Variants in DENND2B observed in about 807,000 individuals in gnomAD.
The protein encoded by DENND2B is DENN domain containing 2B.
DENND2B carries 32 observed loss-of-function variants against 116.0 expected under a neutral mutation model. The ratio of observed to expected loss-of-function variants is 0.28; its 90% CI spans 0.21 to 0.37. The LOEUF (loss-of-function observed/expected upper bound fraction) is 0.37. DENND2B is among the 10% of genes least tolerant of loss of function. DENND2B has a pLI of 1.00. For synonymous variants in DENND2B, 588 were observed against 583.9 expected (o/e 1.01, Z -0.10); for missense variants, 1,276 against 1,477.7 (o/e 0.86, Z 2.24).
Position 8,761,491 on chromosome 11 carries a change from C to T in DENND2B, c.-25-10766G>A, listed in dbSNP as rs149171842. On this transcript the variant is annotated intron_variant, in intron 1 of 19. Transcript: ENST00000313726. ...AGGCCATAGTCCTATCTTAGAGCAG[C>T]ACCTTCACTCTGGCCAGCCACATCT... Among the ~76,000 whole-genome samples the T allele has an allele frequency of 8.3e-4, 126 of 152,358 alleles. 1 individual carries two copies. Among genetic ancestry groups the T allele is most frequent in the African/African-American group, 3.0e-3 (124 of 41,578 alleles).
intron 1 of DENND2B, among the ~76,000 whole-genome samples, chr11:8,764,762 T>C (rs1035806109): frequency 6.6e-6 from 1 of 152,090 alleles, no homozygotes; most frequent in East Asian, 1.9e-4. Context: ...CTGACCAACA[T>C]GGTGAAGTCC....
chr11:8,774,435 C>G, intron 1 of DENND2B: 1 of 654,886 alleles, frequency 1.5e-6, no homozygotes, highest in Non-Finnish European at 1.9e-6. Flanking sequence ...AGCTGAATGA[C>G]TTTCCTAAGG....
intron 14 of DENND2B, among the ~76,000 whole-genome samples, chr11:8,701,932 C>T (rs2041770936): frequency 6.6e-6 from 1 of 152,140 alleles, no homozygotes; most frequent in Admixed American, 6.5e-5. Flanking sequence ...CCCGACTTCC[C>T]TGGCACCTCC....
At chr11:8,753,914 G>C (rs2053056020) in intron 1 of DENND2B, among the ~76,000 whole-genome samples, 1 of 152,070 alleles carries the variant, frequency 6.6e-6, no homozygotes, top group African/African-American at 2.4e-5. Flanking sequence ...AAAAAATGTA[G>C]TATAGCCCTA....
At chr11:8,734,423 T>C (rs1565778709) in intron 2 of DENND2B, among the ~76,000 whole-genome samples, 1 of 152,092 alleles carries the variant, frequency 6.6e-6, no homozygotes, top group Non-Finnish European at 1.5e-5. Context: ...CTTATAAGCT[T>C]CATGACTTTG....
At chr11:8,698,035 A>T (rs1465919488) in intron 16 of DENND2B, 2 of 375,148 alleles carry the variant, frequency 5.3e-6, no homozygotes, top group African/African-American at 2.2e-5. Context: ...GCTACTTAGG[A>T]GGCTGACATG....
At chr11:8,782,702 C>T (rs778162314) in intron 1 of DENND2B, among the ~76,000 whole-genome samples, 84 of 151,922 alleles carry the variant, frequency 5.5e-4, no homozygotes, top group Non-Finnish European at 8.8e-4. Flanking sequence ...CTGGCTAACA[C>T]GGTGAAACCC....
chr11:8,845,755 TA>T (rs1404470298), intron 3 of DENND2B, among the ~76,000 whole-genome samples: 6 of 152,274 alleles, frequency 3.9e-5, no homozygotes, highest in Non-Finnish European at 5.9e-5. Flanking sequence ...CTAGAAAATA[TA>T]CCCTGTCTGA....
chr11:8,776,337 G>A (rs1593524946), intron 1 of DENND2B: 1 of 422,398 alleles, frequency 2.4e-6, no homozygotes, highest in South Asian at 1.7e-5. Context: ...CCAAGGCCCA[G>A]GCCAAGGTCC....
intron 11 of DENND2B, among the ~76,000 whole-genome samples, chr11:8,709,059 G>A (rs539844009): frequency 3.3e-4 from 51 of 152,302 alleles, no homozygotes; most frequent in Non-Finnish European, 5.3e-4. Context: ...AGGACTCAGA[G>A]GCCTGGAGGG....
At chr11:8,823,333 A>C (rs1474131050) in intron 4 of DENND2B, among the ~76,000 whole-genome samples, 1 of 152,184 alleles carries the variant, frequency 6.6e-6, no homozygotes, top group African/African-American at 2.4e-5. Flanking sequence ...CAGTGCTATG[A>C]AATGAATCTG....
intron 3 of DENND2B, among the ~76,000 whole-genome samples, chr11:8,853,711 G>A (rs2063091314): frequency 6.6e-6 from 1 of 152,144 alleles, no homozygotes; most frequent in Non-Finnish European, 1.5e-5. Flanking sequence ...ATCTTACTTT[G>A]GTAGAAAAAG....
intron 4 of DENND2B, among the ~76,000 whole-genome samples, chr11:8,722,247 G>A (rs1019310389): frequency 1.3e-5 from 2 of 152,172 alleles, no homozygotes; most frequent in Non-Finnish European, 1.5e-5. Context: ...ACCCCCATTC[G>A]AGTCCACTGT....
At chr11:8,853,332 C>T (rs185211674) in intron 3 of DENND2B, among the ~76,000 whole-genome samples, 106 of 152,228 alleles carry the variant, frequency 7.0e-4, no homozygotes, top group Non-Finnish European at 1.3e-3. Context: ...CATTGCACTA[C>T]AGCCTGGGCG....
intron 1 of DENND2B, among the ~76,000 whole-genome samples, chr11:8,791,067 T>C (rs2059337791): frequency 6.6e-6 from 1 of 152,154 alleles, no homozygotes; most frequent in African/African-American, 2.4e-5. Context: ...GCAGCTCCAT[T>C]TCCTCACACC....
chr11:8,777,595 CAGATG>C (rs1291160719), intron 1 of DENND2B, among the ~76,000 whole-genome samples: 1 of 152,224 alleles, frequency 6.6e-6, no homozygotes, highest in Non-Finnish European at 1.5e-5. Flanking sequence ...CCCACACCAT[CAGATG>C]ATCATCCCAA....
At chr11:8,845,596 G>A (rs1251030795) in intron 3 of DENND2B, among the ~76,000 whole-genome samples, 4 of 152,082 alleles carry the variant, frequency 2.6e-5, no homozygotes, top group African/African-American at 4.8e-5. Flanking sequence ...CACACATCAG[G>A]CACACAAACA....
At chr11:8,740,320 C>T (rs1288235362) in intron 2 of DENND2B, among the ~76,000 whole-genome samples, 1 of 152,164 alleles carries the variant, frequency 6.6e-6, no homozygotes, top group Non-Finnish European at 1.5e-5. Flanking sequence ...CTCACAGGAA[C>T]ACGCCCCAAT....
chr11:8,867,202 A>G (rs1044824997), intron 2 of DENND2B, among the ~76,000 whole-genome samples: 5 of 152,194 alleles, frequency 3.3e-5, no homozygotes, highest in Non-Finnish European at 5.9e-5. Context: ...TTGTATTCAA[A>G]GCGGCAGACT....
Sources: gnomAD v4.1 joint callset for allele counts (sites outside exome capture counted in the v4.1 genomes callset) on GRCh38, gnomAD v4.1.1 for gene constraint, MANE v1.5 for transcripts, NCBI Gene and HGNC (gene_info 2026-07-23, HGNC 2026-07-21) for gene names.